Variants in NEK1 observed in about 807,000 individuals in gnomAD.
NEK1 encodes the protein NIMA related kinase 1, also known as serine/threonine-protein kinase Nek1.
NEK1 carries 137 observed loss-of-function variants against 182.1 expected under a neutral mutation model. The ratio of observed to expected loss-of-function variants is 0.75; its 90% CI spans 0.65 to 0.87. The LOEUF is 0.87. NEK1 is among the 40% of genes least tolerant of loss of function. NEK1 has a pLI of 0.00. For synonymous variants in NEK1, 513 were observed against 492.2 expected, an observed-to-expected ratio of 1.04 and a Z score of -0.56; for missense variants, 1,391 against 1,494.4, an observed-to-expected ratio of 0.93 and a Z score of 1.14.
At chr4:169,413,833 ACGG>A (rs1360894313) in intron 31 of NEK1, among the ~76,000 whole-genome samples, 17 of 152,324 alleles carry the variant, frequency 1.1e-4, no homozygotes, top group African/African-American at 4.1e-4. Flanking sequence ...CCTGGGCTAC[ACGG>A]TGAAACTCCG....
intron 27 of NEK1, among the ~76,000 whole-genome samples, chr4:169,459,961 T>C (rs1031759389): frequency 2.6e-5 from 4 of 152,218 alleles, no homozygotes; most frequent in East Asian, 1.9e-4. Flanking sequence ...CATAGCATTA[T>C]ACATTTGTCA....
intron 18 of NEK1, among the ~76,000 whole-genome samples, chr4:169,549,363 C>T (rs1047343556): frequency 2.6e-5 from 4 of 152,168 alleles, no homozygotes; most frequent in Non-Finnish European, 4.4e-5. Flanking sequence ...CCTTCTGTGC[C>T]GATCTTGTTG....
chr4:169,522,655 T>C (rs1003562924), intron 19 of NEK1, among the ~76,000 whole-genome samples: 1 of 152,196 alleles, frequency 6.6e-6, no homozygotes, highest in Non-Finnish European at 1.5e-5. Context: ...AGAATGGAAG[T>C]TGCTTCTCTG....
intron 27 of NEK1, among the ~76,000 whole-genome samples, chr4:169,457,082 T>C (rs1561221522): frequency 6.6e-6 from 1 of 151,942 alleles, no homozygotes; most frequent in Admixed American, 6.6e-5. Context: ...TGGTGGGTGG[T>C]GGGGGATGGT....
chr4:169,414,997 G>GT (rs1734295960), intron 31 of NEK1, among the ~76,000 whole-genome samples: 1 of 152,150 alleles, frequency 6.6e-6, no homozygotes, highest in African/African-American at 2.4e-5. Flanking sequence ...GTTATCAATT[G>GT]TATCACCGCC....
chr4:169,570,729 A>G (rs1354643234), intron 12 of NEK1, among the ~76,000 whole-genome samples: 1 of 152,192 alleles, frequency 6.6e-6, no homozygotes, highest in East Asian at 1.9e-4. Flanking sequence ...GTTTTGTGGA[A>G]TAGAAAGGGG....
At chr4:169,467,880 A>G (rs1745220060) in intron 26 of NEK1, among the ~76,000 whole-genome samples, 1 of 152,196 alleles carries the variant, frequency 6.6e-6, no homozygotes, top group Non-Finnish European at 1.5e-5. Context: ...CATTAAATGT[A>G]AATGATCTAA....
At chr4:169,479,315 C>T in intron 24 of NEK1, 88 bp downstream of exon 24, 6 of 1,353,428 alleles carry the variant, frequency 4.4e-6, no homozygotes, top group Non-Finnish European at 6.1e-6. Flanking sequence ...CTGAAAGGGA[C>T]ATTAGGGATT....
intron 31 of NEK1, among the ~76,000 whole-genome samples, chr4:169,421,360 A>G (rs1735461123): frequency 1.3e-5 from 2 of 152,230 alleles, no homozygotes; most frequent in African/African-American, 4.8e-5. Flanking sequence ...TTCAAAATAC[A>G]TAAAATAAAA....
In NEK1 at chr4:169,437,926, T is replaced by TA. The variant is rs1469355197; in HGVS notation, c.2764+156dup. Among the ~76,000 whole-genome samples the TA allele has an allele frequency of 3.9e-5, 6 of 151,958 alleles. No individual in the cohort carries two copies. The South Asian group carries it at 6.2e-4, about 16-fold the overall frequency. On this transcript the variant is annotated intron_variant, in intron 28 of 35. Coordinates refer to ENST00000507142, the MANE Select transcript of NEK1 (RefSeq NM_001199397.3). ...TTTGGGGTGACTTGTTAGGCAGTCA[T>TA]AAAAAAAAGACCAATAGCTAAAAAT...
At chr4:169,458,365 G>C (rs569982814) in intron 27 of NEK1, among the ~76,000 whole-genome samples, 1 of 152,138 alleles carries the variant, frequency 6.6e-6, no homozygotes, top group Non-Finnish European at 1.5e-5. Flanking sequence ...CGAAAAAAAT[G>C]TATCTAGACA....
chr4:169,450,514 G>A (rs965461424), intron 27 of NEK1, among the ~76,000 whole-genome samples: 1 of 152,126 alleles, frequency 6.6e-6, no homozygotes, highest in Non-Finnish European at 1.5e-5. Flanking sequence ...AAGACAGTGG[G>A]GGCCATTATT....
At chr4:169,445,867 C>T (rs13105401) in intron 27 of NEK1, among the ~76,000 whole-genome samples, 25,353 of 75,232 alleles carry the variant, frequency 0.34, 4,823 homozygotes, top group African/African-American at 0.61. Context: ...TATATATATA[C>T]ACACACACAC....
rs778269215 is a variant in NEK1 at position 169,587,640 on chromosome 4, C to T, written c.552-27G>A. On this transcript the variant is annotated intron_variant, in intron 8 of 35. Transcript: ENST00000507142. ...TGGAGAAGATAAAAATGAGAAATTT[C>T]CTCTAAGTATTTCAAATTTTTTCAT... 5.6e-6 allele frequency: 8 copies of T among 1,434,752 alleles called. No individual in the cohort carries two copies. The South Asian group carries it at 1.0e-4, about 19-fold the overall frequency. The allele number at this position is 1,434,752 out of a possible 1,614,324, so 88.9% of individuals were successfully genotyped here. A position where few individuals can be genotyped will look rare whatever the true frequency, so the allele number is the denominator to read the frequency against.
intron 12 of NEK1, among the ~76,000 whole-genome samples, chr4:169,568,020 A>ACAGATT (rs1192549465): frequency 4.6e-5 from 7 of 152,238 alleles, no homozygotes; most frequent in Admixed American, 3.9e-4. Context: ...ATATGAAGAA[A>ACAGATT]CAGATTATAC....
At chr4:169,405,353 A>C (rs1232933889) in intron 32 of NEK1, among the ~76,000 whole-genome samples, 2 of 152,244 alleles carry the variant, frequency 1.3e-5, no homozygotes, top group Non-Finnish European at 2.9e-5. Context: ...AACATAGAAA[A>C]GGTACAGTGA....
intron 19 of NEK1, among the ~76,000 whole-genome samples, chr4:169,524,415 C>T (rs1023512893): frequency 2.0e-4 from 28 of 142,852 alleles, no homozygotes; most frequent in African/African-American, 7.3e-4. Flanking sequence ...GAGCCAAGAT[C>T]GTGCCATAGC....
intron 31 of NEK1, 96 bp from the exon 32 acceptor site, chr4:169,406,843 G>C (rs1472284474): frequency 5.2e-6 from 5 of 955,986 alleles, no homozygotes; most frequent in Non-Finnish European, 7.5e-6. Context: ...TGTTACATAT[G>C]TGTAAAATGT....
At chr4:169,583,266 CAAAA>C (rs113591219) in intron 10 of NEK1, among the ~76,000 whole-genome samples, 1 of 124,556 alleles carries the variant, frequency 8.0e-6, no homozygotes, top group Non-Finnish European at 1.6e-5. Context: ...GACTCCATCT[CAAAA>C]AAAAAAAAAA....
Sources: gnomAD v4.1 joint callset for allele counts (sites outside exome capture counted in the v4.1 genomes callset) on GRCh38, gnomAD v4.1.1 for gene constraint, MANE v1.5 for transcripts, NCBI Gene and HGNC (gene_info 2026-07-23, HGNC 2026-07-21) for gene names.